The following MARCHF9 variants were observed in gnomAD, a reference collection of about 807,000 sequenced individuals.
The protein encoded by MARCHF9 is E3 ubiquitin-protein ligase MARCHF9.
In MARCHF9, 17 loss-of-function variants were observed where a neutral mutation model predicts 35.2. That is an observed-to-expected ratio of 0.48 (90% CI 0.33 to 0.72). The LOEUF is 0.72. Ranked by LOEUF, MARCHF9 falls within the 30% of genes least tolerant of loss-of-function variation. The probability of loss-of-function intolerance (pLI) is 0.02; values close to 1 mark genes in which losing one functional copy is unlikely to be tolerated. For synonymous variants in MARCHF9, 183 were observed against 207.4 expected, an observed-to-expected ratio of 0.88 and a Z score of 1.01; for missense variants, 386 against 478.2, an observed-to-expected ratio of 0.81 and a Z score of 1.80.
chr12:57,757,221 T>G, intron 2 of MARCHF9, 137 bp downstream of exon 2: 1 of 938,998 alleles, frequency 1.1e-6, no homozygotes, highest in Non-Finnish European at 1.5e-6. Flanking sequence ...GTCTCCCGTG[T>G]GTCTGTATAT....
chr12:57,755,577 G>A lies in MARCHF9; in HGVS notation c.49G>A (p.Val17Met). ...RMFLNELKLL[V>M]LTGGGRPRAE... ...GTTTCTGAACGAGCTGAAGCTGCTG[G>A]TGCTGACAGGCGGGGGGCGGCCCCG... is the stretch of plus-strand genomic sequence containing the variant. The change falls in exon 1 of 4, where the codon GTG becomes ATG. Residue 17 changes from valine (V) to methionine (M), a missense_variant. Val to Met is a conservative substitution (Grantham distance 21). Coordinates refer to ENST00000266643, the MANE Select transcript of MARCHF9 (RefSeq NM_138396.6). 7.1e-7 allele frequency: 1 copy of A among 1,406,252 alleles called. No individual in the cohort carries two copies. The highest frequency in any genetic ancestry group is 9.3e-7 in the Non-Finnish European group (1 of 1,076,376). The allele number at this position is 1,406,252 out of a possible 1,614,324, so 87.1% of individuals were successfully genotyped here. A position where few individuals can be genotyped will look rare whatever the true frequency, so the allele number is the denominator to read the frequency against.
chr12:57,756,277 G>A (rs777147578), intron 1 of MARCHF9, among the ~76,000 whole-genome samples: 7 of 152,160 alleles, frequency 4.6e-5, no homozygotes, highest in Non-Finnish European at 1.0e-4. Flanking sequence ...GCTTAGCTCA[G>A]TATTTCTCCC....
Position 57,759,690 on chromosome 12 carries a change from G to A in MARCHF9, c.*793G>A, listed in dbSNP as rs1359252326. ...GTCTACTTCATAGGGTTGGAATAAG[G>A]ATAAATGAGGGACAGGTTGGATGCC... On this transcript the variant is annotated 3_prime_UTR_variant, in exon 4 of 4. Coordinates refer to ENST00000266643, the MANE Select transcript of MARCHF9 (RefSeq NM_138396.6). 6.6e-6 allele frequency: 1 copy of A among 152,242 alleles called. No homozygotes were observed. Among genetic ancestry groups the A allele is most frequent in the Non-Finnish European group, 1.5e-5 (1 of 68,040 alleles). 9.4% of individuals were successfully genotyped at this position (152,242 alleles called of 1,614,324 possible).
intron 2 of MARCHF9, 88 bp downstream of exon 2, chr12:57,757,172 C>T (rs1955292668): frequency 7.2e-7 from 1 of 1,392,522 alleles, no homozygotes; most frequent in South Asian, 1.6e-5. Flanking sequence ...ATTTCATTTA[C>T]TCTTTTCCCA....
chr12:57,757,190 C>G (rs1019681354), intron 2 of MARCHF9, 106 bp downstream of exon 2: 1 of 1,223,950 alleles, frequency 8.2e-7, no homozygotes, highest in African/African-American at 2.0e-5. Context: ...CCAAAGCCAC[C>G]CTTCCCCGCC....
intron 1 of MARCHF9, among the ~76,000 whole-genome samples, chr12:57,756,228 T>G (rs560394692): frequency 6.6e-6 from 1 of 152,328 alleles, no homozygotes; most frequent in Admixed American, 6.5e-5. Flanking sequence ...AGAGTGCTTC[T>G]GTGCCCCCCT....
rs1354738352 is a variant in MARCHF9 at position 57,755,309 on chromosome 12, A to G, written c.-220A>G. The G allele has an allele frequency of 1.8e-5, 1 of 54,452 alleles. No individual in the cohort carries two copies. Among genetic ancestry groups the G allele is most frequent in the East Asian group, 4.3e-4 (1 of 2,328 alleles). 3.4% of individuals were successfully genotyped at this position (54,452 alleles called of 1,614,324 possible). A position where few individuals can be genotyped will look rare whatever the true frequency, so the allele number is the denominator to read the frequency against. ...CCCCTCCCCGCCCCCTGCCCTGGCC[A>G]TGGCCGCCCACCCCGCCGCCCCCGG... On this transcript the variant is annotated 5_prime_UTR_variant, in exon 1 of 4. It removes an upstream start codon present in the reference 5' UTR. Coordinates refer to ENST00000266643, the MANE Select transcript of MARCHF9 (RefSeq NM_138396.6).
In MARCHF9 at chr12:57,755,328, C is replaced by T. The variant is rs1164796843; in HGVS notation, c.-201C>T. The T allele has an allele frequency of 2.2e-5, 7 of 322,210 alleles. No homozygotes were observed. In the Admixed American group the frequency reaches 3.0e-4, roughly 14 times the overall value. The allele number at this position is 322,210 out of a possible 1,614,324, so 20.0% of individuals were successfully genotyped here. Reference sequence around the variant, plus strand: ...CTGGCCATGGCCGCCCACCCCGCCGCCCCCGGGCCGCCAGCCCGCTCGGCC... The same window carrying T: ...CTGGCCATGGCCGCCCACCCCGCCGTCCCCGGGCCGCCAGCCCGCTCGGCC... On this transcript the variant is annotated 5_prime_UTR_variant, in exon 1 of 4. Transcript: ENST00000266643.
At position 57,758,278 on chromosome 12, in the gene MARCHF9, C is replaced by G. The variant is rs1955299341; in HGVS notation, c.684C>G (p.Gly228=). Residue 228 remains glycine, a synonymous_variant, in exon 3 of 4, where the codon GGC becomes GGG. Coordinates refer to ENST00000266643, the MANE Select transcript of MARCHF9 (RefSeq NM_138396.6). This position sits in a 1 kb window ranked among gnomAD's most constrained non-coding sequence, Gnocchi z 5.4. ...LLFQICYGMY[G]FMDVVCIGLI... ...TTCAGATCTGCTACGGCATGTATGG[C>G]TTCATGGATGTCGTCTGCATAGGTG... 2 of 1,611,278 alleles carry G rather than the reference C, an allele frequency of 1.2e-6. No individual in the cohort carries two copies. Among genetic ancestry groups the G allele is most frequent in the Non-Finnish European group, 1.7e-6 (2 of 1,177,552 alleles).
rs1448522794 is a variant in MARCHF9, at chr12:57,755,627, C to G, written c.99C>G (p.Gly33=). 36 of 1,329,868 alleles carry G rather than the reference C, an allele frequency of 2.7e-5. No individual in the cohort carries two copies. In the African/African-American group the frequency reaches 4.3e-4, roughly 16 times the overall value. The allele number at this position is 1,329,868 out of a possible 1,614,324, so 82.4% of individuals were successfully genotyped here. ...GGGCCGAGCCGCAACCCCGGGGGGG[C>G]CGGGGAGGCGGCTGCGGCTGGGCGC... ...RPRAEPQPRG[G]RGGGCGWAPF... is the part of the protein sequence containing the mutation. Residue 33 remains glycine, a synonymous_variant, in exon 1 of 4, where the codon GGC becomes GGG. Transcript: ENST00000266643.
Position 57,758,309 on chromosome 12 carries a change from A to T in MARCHF9, c.706+9A>T. 2.5e-6 allele frequency: 4 copies of T among 1,601,164 alleles called. No individual in the cohort carries two copies. Among genetic ancestry groups the T allele is most frequent in the Non-Finnish European group, 3.4e-6 (4 of 1,170,304 alleles). On this transcript the variant is annotated intron_variant, in intron 3 of 3. Transcript: ENST00000266643. This position sits in a 1 kb window ranked among gnomAD's most constrained non-coding sequence, Gnocchi z 5.4. The stretch of plus-strand genomic sequence containing the variant: ...GGATGTCGTCTGCATAGGTGAGGGC[A>T]CCTCTCTCTCCTTTACCTGCTCTGT...
Position 57,756,972 on chromosome 12 carries a change from GC to G in MARCHF9, c.402del (p.Cys134Ter), listed in dbSNP as rs1565808695. 2 of 1,598,518 alleles carry G rather than the reference GC, an allele frequency of 1.3e-6. No individual in the cohort carries two copies. Among genetic ancestry groups the G allele is most frequent in the Non-Finnish European group, 8.5e-7 (1 of 1,173,084 alleles). On this transcript the variant is annotated frameshift_variant, in exon 2 of 4. Coordinates refer to ENST00000266643, the MANE Select transcript of MARCHF9 (RefSeq NM_138396.6). LOFTEE classifies it high-confidence loss of function. ...TGCCGCTGCGACGGCTCAGTGCGCT[GC>G]ACGCATCAGCCCTGCCTCATCCGCT... The part of the protein sequence containing the change: ...SPCRCDGSVR[C>X]THQPCLIRWI...
chr12:57,755,594 G>T lies in MARCHF9; in HGVS notation c.66G>T (p.Gly22=). Residue 22 remains glycine, a synonymous_variant, in exon 1 of 4, where the codon GGG becomes GGT. Coordinates refer to ENST00000266643, the MANE Select transcript of MARCHF9 (RefSeq NM_138396.6). ...ELKLLVLTGG[G]RPRAEPQPRG... The stretch of plus-strand genomic sequence containing the variant: ...AGCTGCTGGTGCTGACAGGCGGGGG[G>T]CGGCCCCGGGCCGAGCCGCAACCCC... 1.5e-6 allele frequency: 2 copies of T among 1,368,092 alleles called. No individual in the cohort carries two copies. Among genetic ancestry groups the T allele is most frequent in the Non-Finnish European group, 1.9e-6 (2 of 1,060,766 alleles). 84.7% of individuals were successfully genotyped at this position (1,368,092 alleles called of 1,614,324 possible). A position where few individuals can be genotyped will look rare whatever the true frequency, so the allele number is the denominator to read the frequency against.
In MARCHF9 at chr12:57,756,936, T is replaced by A; in HGVS notation, c.365T>A (p.Leu122His). 1 of 1,553,836 alleles carries A rather than the reference T, an allele frequency of 6.4e-7. No homozygotes were observed. Among genetic ancestry groups the A allele is most frequent in the East Asian group, 2.4e-5 (1 of 41,214 alleles). The change falls in exon 2 of 4, where the codon CTC (leucine) becomes CAC (histidine). Residue 122 changes from leucine (L) to histidine (H), a missense_variant. By Grantham distance (99) the Leu-to-His change is moderately conservative. Around this residue, in one of 3 missense-constraint regions of MARCHF9, gnomAD observed 219 missense variants for 316.2 expected, o/e 0.69. Coordinates refer to ENST00000266643, the MANE Select transcript of MARCHF9 (RefSeq NM_138396.6). ...TCCTCACTCTTCCTCCAGGGGGAGC[T>A]CTTAAGCCCCTGCCGCTGCGACGGC... Reference protein sequence around the residue: ...ICFQGPEQGELLSPCRCDGSV... With the variant: ...ICFQGPEQGEHLSPCRCDGSV...
chr12:57,756,804 G>T (rs1955290212), intron 1 of MARCHF9, 125 bp from the exon 2 acceptor site: 2 of 1,058,226 alleles, frequency 1.9e-6, no homozygotes, highest in African/African-American at 1.7e-5. Context: ...CCTGTCTTGG[G>T]TGAAAGGCCT....
chr12:57,755,722 C>A lies in MARCHF9; in HGVS notation c.194C>A (p.Ala65Asp). Residue 65 changes from alanine to aspartate, a missense_variant, in exon 1 of 4, where the codon GCC (alanine) becomes GAC (aspartate). Physicochemically the swap from Ala to Asp is moderately radical, Grantham distance 126. Coordinates refer to ENST00000266643, the MANE Select transcript of MARCHF9 (RefSeq NM_138396.6). ...EEEYYGSEPR[A>D]RGLAGDKEPR... ...GAGTACTACGGGTCGGAGCCGCGGG[C>A]CCGGGGCCTGGCCGGCGACAAGGAG... 8.2e-7 allele frequency: 1 copy of A among 1,222,714 alleles called. No homozygotes were observed. The highest frequency in any genetic ancestry group is 1.0e-6 in the Non-Finnish European group (1 of 984,270). 75.7% of individuals were successfully genotyped at this position (1,222,714 alleles called of 1,614,324 possible). A position where few individuals can be genotyped will look rare whatever the true frequency, so the allele number is the denominator to read the frequency against.
In MARCHF9 at chr12:57,759,741, T is replaced by A. The variant is rs1028888362; in HGVS notation, c.*844T>A. On this transcript the variant is annotated 3_prime_UTR_variant, in exon 4 of 4. Transcript: ENST00000266643. ...GTTGCAGAGAAAATCAGCAATGACA[T>A]AAAGAGATTTCTAGAATAGTTGATG... The A allele has an allele frequency of 7.2e-5, 11 of 152,200 alleles. No individual in the cohort carries two copies. Among genetic ancestry groups the A allele is most frequent in the African/African-American group, 2.4e-4 (10 of 41,452 alleles). The allele number at this position is 152,200 out of a possible 1,614,324, so 9.4% of individuals were successfully genotyped here.
Position 57,758,796 on chromosome 12 carries a change from G to T in MARCHF9, c.940G>T (p.Gly314Cys). ...GCGGACGCTCTTGCCTCAGCGCTGC[G>T]GTTATACAATCTTGCACCTCCTTGG... The part of the protein sequence containing the change: ...RMRTLLPQRC[G>C]YTILHLLGQL... Residue 314 changes from glycine (G) to cysteine (C), a missense_variant, in exon 4 of 4, where the codon GGT becomes TGT. Coordinates refer to ENST00000266643, the MANE Select transcript of MARCHF9 (RefSeq NM_138396.6). This position sits in a 1 kb window ranked among gnomAD's most constrained non-coding sequence, Gnocchi z 5.4. 6.2e-7 allele frequency: 1 copy of T among 1,613,480 alleles called. No homozygotes were observed. Among genetic ancestry groups the T allele is most frequent in the Non-Finnish European group, 8.5e-7 (1 of 1,179,904 alleles).
intron 1 of MARCHF9, 68 bp from the exon 2 acceptor site, chr12:57,756,861 C>CG: frequency 7.2e-7 from 1 of 1,385,882 alleles, no homozygotes; most frequent in Non-Finnish European, 9.4e-7. Flanking sequence ...GTTTCCCTGT[C>CG]GGGGAGCGCG....
Sources: allele counts gnomAD v4.1 joint callset (sites outside exome capture counted in the v4.1 genomes callset), GRCh38; gene constraint gnomAD v4.1.1; regional missense constraint gnomAD v4.1.1; non-coding constraint Gnocchi (gnomAD v3.1); transcripts MANE v1.5; gene names NCBI Gene and HGNC (gene_info 2026-07-23, HGNC 2026-07-21).